SCN11A: variants seen among roughly 807,000 people sequenced by gnomAD.
The protein encoded by SCN11A is sodium channel protein type 11 subunit alpha.
SCN11A carries 122 observed loss-of-function variants against 162.2 expected under a neutral mutation model. The ratio of observed to expected loss-of-function variants is 0.75; its 90% CI spans 0.65 to 0.87. SCN11A has a LOEUF of 0.87. Among genes scored for constraint, SCN11A ranks in the 40% least tolerant of loss-of-function variants. The probability of loss-of-function intolerance (pLI) is 0.00; values close to 1 mark genes in which losing one functional copy is unlikely to be tolerated. For synonymous variants in SCN11A, 758 were observed against 751.5 expected (o/e 1.01, Z -0.14); for missense variants, 2,015 against 2,181.6 (o/e 0.92, Z 1.52).
At chr3:38,860,391 A>G (rs999919865) in intron 28 of SCN11A, among the ~76,000 whole-genome samples, 13 of 152,158 alleles carry the variant, frequency 8.5e-5, no homozygotes, top group African/African-American at 2.9e-4. Flanking sequence ...AAATCATTCT[A>G]TGAAGCCAGT....
At position 38,870,723 on chromosome 3, in the gene SCN11A, C is replaced by A; in HGVS notation, c.3781G>T (p.Asp1261Tyr). The change falls in exon 26 of 30, where the codon GAT becomes TAT. Residue 1261 changes from aspartate to tyrosine, a missense_variant. Physicochemically the swap from Asp to Tyr is radical, Grantham distance 160 (BLOSUM62 -3). Coordinates refer to ENST00000302328, the MANE Select transcript of SCN11A (RefSeq NM_001349253.2). Reference protein sequence around the residue: ...LQVATFKGWMDIIYAAVDSTE... With the variant: ...LQVATFKGWMYIIYAAVDSTE... ...GAATCAACAGCTGCATATATAATATCCATCCAGCCCTTAAATGTTGCCTGC... is the reference window on the plus strand; with the variant it reads ...GAATCAACAGCTGCATATATAATATACATCCAGCCCTTAAATGTTGCCTGC... 6.2e-7 allele frequency: 1 copy of A among 1,613,590 alleles called. No homozygotes were observed. The highest frequency in any genetic ancestry group is 1.3e-5 in the African/African-American group (1 of 74,998).
At chr3:39,020,764 C>G (rs967653040) in intron 2 of SCN11A, among the ~76,000 whole-genome samples, 1 of 152,162 alleles carries the variant, frequency 6.6e-6, no homozygotes, top group Admixed American at 6.5e-5. Flanking sequence ...TCTGTAGGAA[C>G]ACACACTAAC....
intron 19 of SCN11A, among the ~76,000 whole-genome samples, chr3:38,893,111 G>A (rs988421608): frequency 8.5e-5 from 13 of 152,082 alleles, no homozygotes; most frequent in African/African-American, 3.1e-4. Flanking sequence ...TACACTGTCT[G>A]CAGAGGACAC....
intron 7 of SCN11A, among the ~76,000 whole-genome samples, chr3:38,930,670 G>C (rs1488154005): frequency 6.6e-6 from 1 of 152,084 alleles, no homozygotes; most frequent in Non-Finnish European, 1.5e-5. Flanking sequence ...CTCTTTTCCA[G>C]CTGAAGCCTG....
intron 29 of SCN11A, among the ~76,000 whole-genome samples, chr3:38,847,987 C>T (rs1212106579): frequency 6.6e-5 from 10 of 152,080 alleles, no homozygotes; most frequent in Admixed American, 5.9e-4. Context: ...TAAATACAGC[C>T]CTACTACAAG....
At position 38,897,079 on chromosome 3, in the gene SCN11A, A is replaced by G. The variant is rs778171044; in HGVS notation, c.2169T>C (p.Phe723=). The stretch of plus-strand genomic sequence containing the variant: ...TCTTTTGGGAATTGAAGCTACGGCC[A>G]AAAAGCTGCATGCCAACTACTGAGA... ...FIFSVVGMQL[F]GRSFNSQKSP... Residue 723 remains phenylalanine (F), a synonymous_variant, in exon 18 of 30, where the codon TTT becomes TTC. Coordinates refer to ENST00000302328, the MANE Select transcript of SCN11A (RefSeq NM_001349253.2). 2 of 1,614,144 alleles carry G rather than the reference A, an allele frequency of 1.2e-6. No individual in the cohort carries two copies. Among genetic ancestry groups the G allele is most frequent in the East Asian group, 2.2e-5 (1 of 44,868 alleles).
rs541806545 is a variant in SCN11A, at chr3:38,879,724, G to C, written c.3393+226C>G. On this transcript the variant is annotated intron_variant, in intron 23 of 29. Coordinates refer to ENST00000302328, the MANE Select transcript of SCN11A (RefSeq NM_001349253.2). ...GAATCCCATCATGGGAAAGGTTGTAGTGGTGAGCATATAAAGTGTAGTGTA... is the reference window on the plus strand; with the variant it reads ...GAATCCCATCATGGGAAAGGTTGTACTGGTGAGCATATAAAGTGTAGTGTA... Among the ~76,000 whole-genome samples the C allele has an allele frequency of 5.3e-5, 8 of 152,310 alleles. No individual in the cohort carries two copies. The South Asian group carries it at 1.0e-3, about 20-fold the overall frequency.
chr3:38,868,718 A>G lies in SCN11A; in HGVS notation c.3814-1260T>C, dbSNP rs566796460. Among the ~76,000 whole-genome samples, 3 of 152,348 alleles carry G rather than the reference A, an allele frequency of 2.0e-5. No individual in the cohort carries two copies. In the South Asian group the frequency reaches 6.2e-4, roughly 32 times the overall value. ...GGTCTGGAAAGGGGGGTTGGAATGCAGTAAATTGAGGGAAACATGGAAGGC... is the reference window on the plus strand; with the variant it reads ...GGTCTGGAAAGGGGGGTTGGAATGCGGTAAATTGAGGGAAACATGGAAGGC... On this transcript the variant is annotated intron_variant, in intron 26 of 29. Coordinates refer to ENST00000302328, the MANE Select transcript of SCN11A (RefSeq NM_001349253.2).
At chr3:38,926,059 T>C (rs1401464649) in intron 8 of SCN11A, among the ~76,000 whole-genome samples, 1 of 152,250 alleles carries the variant, frequency 6.6e-6, no homozygotes, top group Non-Finnish European at 1.5e-5. Flanking sequence ...GCAAAGTGCT[T>C]AACATAATGC....
At chr3:38,920,684 C>CAAAAA (rs36096755) in intron 10 of SCN11A, among the ~76,000 whole-genome samples, 3 of 55,998 alleles carry the variant, frequency 5.4e-5, no homozygotes, top group Admixed American at 2.0e-4. Flanking sequence ...GACTCCATCT[C>CAAAAA]AAAAAAAAAA....
chr3:39,034,121 C>T (rs1187242273), intron 1 of SCN11A, among the ~76,000 whole-genome samples: 1 of 152,094 alleles, frequency 6.6e-6, no homozygotes, highest in Non-Finnish European at 1.5e-5. Flanking sequence ...GAGATCGCAC[C>T]ACTGCATTCC....
chr3:38,846,736 C>T lies in SCN11A; in HGVS notation c.5334G>A (p.Leu1778=), dbSNP rs4640498. The change falls in exon 30 of 30, where the codon TTG becomes TTA. Residue 1778 remains leucine (L), a synonymous_variant. Transcript: ENST00000302328. ...TGCCCTTGGCCACCCCAAAGCTAGA[C>T]AAGTCTCCATTGCAAAGAGTCTGGA... The part of the protein sequence containing the change: ...SPLQTLCNGD[L]SSFGVAKGKV... The T allele has an allele frequency of 0.022, 35,952 of 1,614,054 alleles. 1,084 individuals carry two copies. The highest frequency in any genetic ancestry group is 0.15 in the East Asian group (6,693 of 44,862).
intron 2 of SCN11A, among the ~76,000 whole-genome samples, chr3:38,970,420 A>G (rs934018762): frequency 2.6e-5 from 4 of 152,240 alleles, no homozygotes; most frequent in African/African-American, 4.8e-5. Context: ...GTAAAGAAAT[A>G]TGTCACCAGC....
At chr3:39,049,000 G>C (rs2032255221) in intron 1 of SCN11A, among the ~76,000 whole-genome samples, 1 of 152,198 alleles carries the variant, frequency 6.6e-6, no homozygotes, top group Admixed American at 6.5e-5. Flanking sequence ...GATGTGAAGT[G>C]GATAGTGGAA....
At chr3:38,890,851 T>C (rs753395283) in intron 19 of SCN11A, among the ~76,000 whole-genome samples, 10 of 152,134 alleles carry the variant, frequency 6.6e-5, no homozygotes, top group Non-Finnish European at 1.3e-4. Flanking sequence ...TGGAGGGGGA[T>C]AGGTTGGAGA....
intron 28 of SCN11A, among the ~76,000 whole-genome samples, chr3:38,855,829 T>A (rs1288005115): frequency 6.6e-6 from 1 of 152,146 alleles, no homozygotes; most frequent in Non-Finnish European, 1.5e-5. Flanking sequence ...TCCTGCCACT[T>A]CCACCAGAGC....
intron 9 of SCN11A, among the ~76,000 whole-genome samples, chr3:38,922,516 A>T (rs1349803227): frequency 6.6e-6 from 1 of 152,170 alleles, no homozygotes; most frequent in Non-Finnish European, 1.5e-5. Flanking sequence ...CAAAATAGAG[A>T]CTATATTCAC....
intron 1 of SCN11A, among the ~76,000 whole-genome samples, chr3:39,041,874 T>A (rs1175884014): frequency 1.3e-5 from 2 of 151,918 alleles, no homozygotes; most frequent in African/African-American, 2.4e-5. Flanking sequence ...AGAAAACAAT[T>A]AACAATATGA....
intron 28 of SCN11A, among the ~76,000 whole-genome samples, chr3:38,862,556 C>T (rs186109738): frequency 6.6e-6 from 1 of 152,246 alleles, no homozygotes; most frequent in East Asian, 1.9e-4. Context: ...GAATACTAGT[C>T]AGCCATAAAA....
Sources: allele counts gnomAD v4.1 joint callset (sites outside exome capture counted in the v4.1 genomes callset), GRCh38; gene constraint gnomAD v4.1.1; transcripts MANE v1.5; gene names NCBI Gene and HGNC (gene_info 2026-07-23, HGNC 2026-07-21).